Variants in EFCAB11 observed in about 807,000 individuals in gnomAD.
EFCAB11 encodes EF-hand calcium-binding domain-containing protein 11.
In EFCAB11, 14 loss-of-function variants were observed where a neutral mutation model predicts 23.0. The ratio of observed to expected loss-of-function variants is 0.61; its 90% CI spans 0.40 to 0.95. The LOEUF (loss-of-function observed/expected upper bound fraction) is 0.95, where lower values mean the gene tolerates loss of function less well. Among genes scored for constraint, EFCAB11 ranks in the 40% least tolerant of loss-of-function variants. The pLI is 0.00. For synonymous variants in EFCAB11, 65 were observed against 66.6 expected, an observed-to-expected ratio of 0.98 and a Z score of 0.11; for missense variants, 198 against 195.8, an observed-to-expected ratio of 1.01 and a Z score of -0.07.
Position 89,816,855 on chromosome 14 carries a change from C to T in EFCAB11, c.411-19531G>A, listed in dbSNP as rs191524507. Among the ~76,000 whole-genome samples the T allele has an allele frequency of 3.5e-3, 525 of 152,150 alleles. 6 individuals carry two copies. Among genetic ancestry groups the T allele is most frequent in the African/African-American group, 0.012 (510 of 41,544 alleles). On this transcript the variant is annotated intron_variant, in intron 5 of 5. Coordinates refer to ENST00000316738, the MANE Select transcript of EFCAB11 (RefSeq NM_145231.4). Reference sequence around the variant, plus strand: ...AGTAAAATAATGCAAGGATAATTATCATATAAAACATGCTCTAAAAATAAT... The same window carrying T: ...AGTAAAATAATGCAAGGATAATTATTATATAAAACATGCTCTAAAAATAAT...
rs1011953402 is a variant in EFCAB11, at chr14:89,835,585, C to T, written c.411-38261G>A. Among the ~76,000 whole-genome samples, 14 of 93,392 alleles carry T rather than the reference C, an allele frequency of 1.5e-4. No homozygotes were observed. In the East Asian group the frequency reaches 1.7e-3, roughly 12 times the overall value. 61.3% of individuals were successfully genotyped at this position (93,392 alleles called of 152,430 possible). ...TGGATTTCAGATTAGGGATGCTCAA[C>T]GTGTGTGTGTGTGTGTGTGTGTGTG... is the stretch of plus-strand genomic sequence containing the variant. On this transcript the variant is annotated intron_variant, in intron 5 of 5. Coordinates refer to ENST00000316738, the MANE Select transcript of EFCAB11 (RefSeq NM_145231.4).
intron 5 of EFCAB11, among the ~76,000 whole-genome samples, chr14:89,908,245 A>G (rs1889557877): frequency 6.6e-6 from 1 of 152,220 alleles, no homozygotes; most frequent in Admixed American, 6.5e-5. Flanking sequence ...AGAGCTAGTT[A>G]TGGGCCAGGC....
At chr14:89,898,179 A>AC (rs943087188) in intron 5 of EFCAB11, among the ~76,000 whole-genome samples, 2 of 151,972 alleles carry the variant, frequency 1.3e-5, no homozygotes, top group Non-Finnish European at 2.9e-5. Context: ...GCCCACATTC[A>AC]CCCCCAACAA....
intron 5 of EFCAB11, among the ~76,000 whole-genome samples, chr14:89,916,169 GAAAA>G (rs1278722039): frequency 6.8e-6 from 1 of 146,192 alleles, no homozygotes; most frequent in Non-Finnish European, 1.5e-5. Context: ...AAAAAAAAAA[GAAAA>G]AAAGAAAAAA....
At chr14:89,923,563 A>G in intron 5 of EFCAB11, 1 of 567,410 alleles carries the variant, frequency 1.8e-6, no homozygotes, top group Non-Finnish European at 2.2e-6. Context: ...CATGCCATTC[A>G]CACAGAAGGT....
intron 5 of EFCAB11, among the ~76,000 whole-genome samples, chr14:89,918,277 G>A (rs1889914469): frequency 6.6e-6 from 1 of 152,116 alleles, no homozygotes; most frequent in Admixed American, 6.5e-5. Flanking sequence ...GGTGGCTCAC[G>A]CCTGTAATCC....
chr14:89,907,148 C>G (rs1889523745), intron 5 of EFCAB11, among the ~76,000 whole-genome samples: 1 of 152,164 alleles, frequency 6.6e-6, no homozygotes, highest in South Asian at 2.1e-4. Flanking sequence ...CTTGGAAGAA[C>G]TGACCAACAG....
chr14:89,935,543 C>A (rs569209337), intron 3 of EFCAB11, among the ~76,000 whole-genome samples: 12 of 151,970 alleles, frequency 7.9e-5, no homozygotes, highest in Non-Finnish European at 1.3e-4. Flanking sequence ...TCCCCAGTAG[C>A]CGGAACTAAA....
intron 5 of EFCAB11, among the ~76,000 whole-genome samples, chr14:89,890,316 A>G (rs1888923734): frequency 6.6e-6 from 1 of 152,208 alleles, no homozygotes; most frequent in Non-Finnish European, 1.5e-5. Flanking sequence ...ATGATATTCA[A>G]TATAAGAGCA....
intron 5 of EFCAB11, among the ~76,000 whole-genome samples, chr14:89,925,449 T>C (rs1752936400): frequency 6.6e-6 from 1 of 152,184 alleles, no homozygotes; most frequent in African/African-American, 2.4e-5. Context: ...TTTTAATTGC[T>C]CAAAACACCC....
intron 5 of EFCAB11, among the ~76,000 whole-genome samples, chr14:89,811,544 C>T (rs1241121708): frequency 1.3e-5 from 2 of 152,010 alleles, no homozygotes; most frequent in African/African-American, 4.8e-5. Flanking sequence ...CAAGGTGGGG[C>T]CAATGTAATC....
At chr14:89,932,718 CAAT>C (rs1303821841) in intron 3 of EFCAB11, 91 bp from the exon 4 acceptor site, 1 of 967,838 alleles carries the variant, frequency 1.0e-6, no homozygotes, top group African/African-American at 1.7e-5. Flanking sequence ...TAAATCTCAC[CAAT>C]AATCAAATTT....
chr14:89,824,565 C>T (rs1266230956), intron 5 of EFCAB11, among the ~76,000 whole-genome samples: 2 of 151,886 alleles, frequency 1.3e-5, no homozygotes, highest in Non-Finnish European at 2.9e-5. Context: ...TGTAAATATG[C>T]TAAATATTAA....
chr14:89,811,452 G>A (rs943557508), intron 5 of EFCAB11, among the ~76,000 whole-genome samples: 7 of 152,204 alleles, frequency 4.6e-5, no homozygotes, highest in Non-Finnish European at 8.8e-5. Flanking sequence ...TGAATATGTT[G>A]TATTATGTGG....
chr14:89,929,259 A>C (rs939513219), intron 5 of EFCAB11, among the ~76,000 whole-genome samples: 2 of 152,028 alleles, frequency 1.3e-5, no homozygotes, highest in African/African-American at 4.8e-5. Flanking sequence ...TCTGTTGCCC[A>C]GGTTGGTCTT....
intron 3 of EFCAB11, among the ~76,000 whole-genome samples, chr14:89,943,539 C>T (rs898541227): frequency 3.3e-5 from 5 of 152,048 alleles, no homozygotes; most frequent in South Asian, 2.1e-4. Flanking sequence ...TACCACACCC[C>T]GCCAATTTCA....
At chr14:89,814,704 C>CA (rs374346075) in intron 5 of EFCAB11, among the ~76,000 whole-genome samples, 3,728 of 138,206 alleles carry the variant, frequency 0.027, 118 homozygotes, top group African/African-American at 0.074. Flanking sequence ...AACTCCCTTT[C>CA]AAAAAAAAAA....
At chr14:89,821,020 C>A (rs375192929) in intron 5 of EFCAB11, among the ~76,000 whole-genome samples, 10 of 151,974 alleles carry the variant, frequency 6.6e-5, no homozygotes, top group African/African-American at 2.4e-4. Context: ...GGATCAAATG[C>A]CTGGCTAATT....
intron 4 of EFCAB11, among the ~76,000 whole-genome samples, chr14:89,932,007 T>G (rs1371346335): frequency 2.0e-5 from 3 of 147,028 alleles, no homozygotes; most frequent in Non-Finnish European, 1.5e-5. Context: ...TTGCGTGGTA[T>G]TAGAATCATG....
Sources: allele counts gnomAD v4.1 joint callset (sites outside exome capture counted in the v4.1 genomes callset), GRCh38; gene constraint gnomAD v4.1.1; transcripts MANE v1.5; gene names NCBI Gene and HGNC (gene_info 2026-07-23, HGNC 2026-07-21).